Variants in DACH1 observed in about 807,000 individuals in gnomAD.
DACH1 encodes the protein dachshund family transcription factor 1, also known as dachshund homolog 1.
DACH1 carries 12 observed loss-of-function variants against 54.2 expected under a neutral mutation model. The ratio of observed to expected loss-of-function variants is 0.22; its 90% CI spans 0.14 to 0.36. The LOEUF (loss-of-function observed/expected upper bound fraction) is 0.36, where lower values mean the gene tolerates loss of function less well. Among genes scored for constraint, DACH1 ranks in the 10% least tolerant of loss-of-function variants. The pLI, the probability that DACH1 is intolerant of heterozygous loss-of-function variation, is 1.00. For synonymous variants in DACH1, 386 were observed against 366.2 expected (o/e 1.05, Z -0.62); for missense variants, 805 against 929.8 (o/e 0.87, Z 1.75).
At chr13:71,465,147 G>GT (rs1257066390) in intron 10 of DACH1, among the ~76,000 whole-genome samples, 5 of 151,866 alleles carry the variant, frequency 3.3e-5, no homozygotes, top group African/African-American at 9.7e-5. Context: ...AAATGATTAT[G>GT]TTTTTTTCTA....
chr13:71,723,271 C>T (rs1283914436), intron 1 of DACH1, among the ~76,000 whole-genome samples: 1 of 151,174 alleles, frequency 6.6e-6, no homozygotes, highest in East Asian at 2.0e-4. Flanking sequence ...AAAATTAGTC[C>T]AGCGTGGTGG....
intron 1 of DACH1, among the ~76,000 whole-genome samples, chr13:71,856,636 C>T (rs1874021755): frequency 6.6e-6 from 1 of 151,392 alleles, no homozygotes; most frequent in Non-Finnish European, 1.5e-5. Context: ...TTTTTAATTC[C>T]ATAAGCTTTA....
chr13:71,669,302 A>T (rs1308979820), intron 2 of DACH1, among the ~76,000 whole-genome samples: 1 of 152,106 alleles, frequency 6.6e-6, no homozygotes, highest in Non-Finnish European at 1.5e-5. Context: ...TGTTTGAATT[A>T]GCGCCTGAGC....
At chr13:71,841,426 A>C (rs1363514669) in intron 1 of DACH1, among the ~76,000 whole-genome samples, 1 of 152,140 alleles carries the variant, frequency 6.6e-6, no homozygotes, top group East Asian at 1.9e-4. Context: ...ATAAGGAATA[A>C]ATTCCTTATT....
Position 71,440,530 on chromosome 13 carries a change from A to G in DACH1, c.*125T>C. 2.8e-6 allele frequency: 2 copies of G among 724,022 alleles called. No individual in the cohort carries two copies. The highest frequency in any genetic ancestry group is 4.6e-6 in the Non-Finnish European group (2 of 436,308). 44.8% of individuals were successfully genotyped at this position (724,022 alleles called of 1,614,324 possible). On this transcript the variant is annotated 3_prime_UTR_variant, in exon 11 of 11. Transcript: ENST00000613252. Reference sequence around the variant, plus strand: ...TTGTAGAATACTTAAACTTTTAAAGAACATTAATACACAAAATTCAGGAAG... The same window carrying G: ...TTGTAGAATACTTAAACTTTTAAAGGACATTAATACACAAAATTCAGGAAG...
intron 3 of DACH1, among the ~76,000 whole-genome samples, chr13:71,578,185 G>T (rs531931575): frequency 6.6e-6 from 1 of 152,092 alleles, no homozygotes; most frequent in Non-Finnish European, 1.5e-5. Context: ...GAGGCAAATC[G>T]CAAAGGGACT....
At chr13:71,525,309 C>T (rs1881879956) in intron 6 of DACH1, among the ~76,000 whole-genome samples, 3 of 152,066 alleles carry the variant, frequency 2.0e-5, no homozygotes, top group Admixed American at 1.3e-4. Context: ...CTATTTACTG[C>T]CTTGCTCAGA....
chr13:71,438,809 C>T lies in DACH1; in HGVS notation c.*1846G>A, dbSNP rs1873746800. 6.6e-6 allele frequency: 1 copy of T among 152,320 alleles called. No individual in the cohort carries two copies. Among genetic ancestry groups the T allele is most frequent in the South Asian group, 2.1e-4 (1 of 4,828 alleles). The allele number at this position is 152,320 out of a possible 1,614,324, so 9.4% of individuals were successfully genotyped here. A position where few individuals can be genotyped will look rare whatever the true frequency, so the allele number is the denominator to read the frequency against. On this transcript the variant is annotated 3_prime_UTR_variant, in exon 11 of 11. Coordinates refer to ENST00000613252, the MANE Select transcript of DACH1 (RefSeq NM_080759.6). ...AAAAGAATCCCTTGTGCTCAAACAA[C>T]AAAAGGTGGTTATGGAAGAACTATG...
chr13:71,769,136 T>C (rs950446357), intron 1 of DACH1, among the ~76,000 whole-genome samples: 19 of 151,904 alleles, frequency 1.3e-4, no homozygotes, highest in South Asian at 2.1e-4. Context: ...GAATAGCAAC[T>C]TGAGCCAGAT....
intron 6 of DACH1, among the ~76,000 whole-genome samples, chr13:71,533,883 T>G (rs974080657): frequency 4.6e-5 from 7 of 152,034 alleles, no homozygotes; most frequent in Non-Finnish European, 8.8e-5. Context: ...ACAAGGGTCA[T>G]TTCTCTTTTT....
chr13:71,556,365 C>T (rs192346654), intron 6 of DACH1, among the ~76,000 whole-genome samples: 28 of 152,144 alleles, frequency 1.8e-4, no homozygotes, highest in Admixed American at 1.0e-3. Flanking sequence ...CACAATTTAA[C>T]ACTTACAATT....
intron 1 of DACH1, among the ~76,000 whole-genome samples, chr13:71,858,002 T>C (rs1874114582): frequency 6.6e-6 from 1 of 151,702 alleles, no homozygotes; most frequent in Non-Finnish European, 1.5e-5. Flanking sequence ...CAGTTTAAGA[T>C]TTTAACAAAA....
At chr13:71,821,944 C>T (rs1245465946) in intron 1 of DACH1, among the ~76,000 whole-genome samples, 1 of 151,934 alleles carries the variant, frequency 6.6e-6, no homozygotes, top group Non-Finnish European at 1.5e-5. Context: ...GCCTGTAGTC[C>T]CAGCTACTCG....
intron 1 of DACH1, among the ~76,000 whole-genome samples, chr13:71,838,015 G>T (rs988342053): frequency 1.9e-5 from 1 of 52,236 alleles, no homozygotes; most frequent in Admixed American, 2.8e-4. Flanking sequence ...GGGGAGGGGG[G>T]AGGGGGGAGG....
At chr13:71,562,073 TGTC>T (rs943208049) in intron 4 of DACH1, among the ~76,000 whole-genome samples, 1 of 152,120 alleles carries the variant, frequency 6.6e-6, no homozygotes, top group Non-Finnish European at 1.5e-5. Context: ...ATTACAATCT[TGTC>T]GTAATGATAA....
intron 3 of DACH1, among the ~76,000 whole-genome samples, chr13:71,591,736 A>G (rs992602495): frequency 1.3e-5 from 2 of 152,170 alleles, no homozygotes; most frequent in Non-Finnish European, 2.9e-5. Flanking sequence ...GGGACCTGGA[A>G]CCACACTTTA....
At chr13:71,724,714 C>T (rs1486201445) in intron 1 of DACH1, among the ~76,000 whole-genome samples, 1 of 151,998 alleles carries the variant, frequency 6.6e-6, no homozygotes, top group Non-Finnish European at 1.5e-5. Context: ...TATGTTATGC[C>T]TAGAGTTTTA....
intron 3 of DACH1, among the ~76,000 whole-genome samples, chr13:71,574,165 C>T (rs751346318): frequency 6.6e-6 from 1 of 152,112 alleles, no homozygotes; most frequent in African/African-American, 2.4e-5. Context: ...GTCTCCATGT[C>T]AATGCCACTC....
intron 8 of DACH1, 42 bp from the exon 9 acceptor site, chr13:71,475,891 T>A (rs1441378117): frequency 7.3e-7 from 1 of 1,364,768 alleles, no homozygotes; most frequent in Non-Finnish European, 9.7e-7. Flanking sequence ...TATTTTTAAA[T>A]TTTCATAATG....
Sources: gnomAD v4.1 joint callset for allele counts (sites outside exome capture counted in the v4.1 genomes callset) on GRCh38, gnomAD v4.1.1 for gene constraint, MANE v1.5 for transcripts, NCBI Gene and HGNC (gene_info 2026-07-23, HGNC 2026-07-21) for gene names.